Variants in RPS6KA4 observed in about 807,000 individuals in gnomAD.
RPS6KA4 encodes ribosomal protein S6 kinase A4.
A neutral mutation model predicts 89.6 loss-of-function variants in RPS6KA4; 38 were observed. That is an observed-to-expected ratio of 0.42 (90% CI 0.33 to 0.56). The LOEUF is 0.56. RPS6KA4 is among the 20% of genes least tolerant of loss of function. The pLI is 0.07. For synonymous variants in RPS6KA4, 495 were observed against 492.8 expected, an observed-to-expected ratio of 1.00 and a Z score of -0.06; for missense variants, 873 against 1,098.8, an observed-to-expected ratio of 0.79 and a Z score of 2.90.
chr11:64,369,453 C>T lies in RPS6KA4; in HGVS notation c.1436C>T (p.Thr479Met), dbSNP rs559409352. Reference protein sequence around the residue: ...LHEVHHDQLHTYLVLELLRGG... With the variant: ...LHEVHHDQLHMYLVLELLRGG... ...CCGCCACGCCGCCCGCAGCTGCACA[C>T]GTACCTGGTCCTGGAGCTGCTGCGG... is the stretch of plus-strand genomic sequence containing the variant. The change falls in exon 13 of 17, where the codon ACG becomes ATG. Residue 479 changes from threonine to methionine, a missense_variant. By Grantham distance (81) the Thr-to-Met change is moderately conservative (BLOSUM62 -1). Transcript: ENST00000334205. The T allele has an allele frequency of 5.0e-6, 8 of 1,604,062 alleles. No homozygotes were observed. The African/African-American group carries it at 5.3e-5, about 11-fold the overall frequency.
intron 3 of RPS6KA4, 33 bp downstream of exon 3, chr11:64,360,414 G>T (rs771910095): frequency 1.0e-5 from 16 of 1,566,472 alleles, no homozygotes; most frequent in African/African-American, 2.7e-5. Flanking sequence ...CGGGGTTGGG[G>T]TGGCTGGGGG....
chr11:64,362,836 A>G (rs568210378), intron 8 of RPS6KA4, among the ~76,000 whole-genome samples: 2 of 152,108 alleles, frequency 1.3e-5, no homozygotes, highest in African/African-American at 2.4e-5. Context: ...ACGACTGGCT[A>G]ATTTTTATAT....
In RPS6KA4 at chr11:64,368,158, T is replaced by C. The variant is rs1457846097; in HGVS notation, c.1098T>C (p.Ile366=). The change falls in exon 10 of 17, where the codon ATT becomes ATC. Residue 366 remains isoleucine (I), a synonymous_variant. Coordinates refer to ENST00000334205, the MANE Select transcript of RPS6KA4 (RefSeq NM_003942.3). ...FQGYSFVAPS[I]LFDHNNAVMT... Reference sequence around the variant, plus strand: ...GATACTCCTTTGTGGCACCCTCCATTCTCTTTGACCACAACAACGCGGTGA... The same window carrying C: ...GATACTCCTTTGTGGCACCCTCCATCCTCTTTGACCACAACAACGCGGTGA... The C allele has an allele frequency of 6.2e-7, 1 of 1,613,596 alleles. No individual in the cohort carries two copies. The highest frequency in any genetic ancestry group is 8.5e-7 in the Non-Finnish European group (1 of 1,179,990).
rs776653061 is a variant in RPS6KA4, at chr11:64,370,522, T to A, written c.1958-41T>A. ...TACGATCTCTTTGGGGCTCAGCCTTTACGCCAGGCTCCTCCCCACACTTCC... is the reference window on the plus strand; with the variant it reads ...TACGATCTCTTTGGGGCTCAGCCTTAACGCCAGGCTCCTCCCCACACTTCC... On this transcript the variant is annotated intron_variant, in intron 15 of 16. Coordinates refer to ENST00000334205, the MANE Select transcript of RPS6KA4 (RefSeq NM_003942.3). The surrounding 1 kb of genome is among the most constrained non-coding windows in gnomAD (Gnocchi z 4.1). 1.3e-6 allele frequency: 2 copies of A among 1,589,866 alleles called. No homozygotes were observed. The highest frequency in any genetic ancestry group is 1.7e-6 in the Non-Finnish European group (2 of 1,170,602).
chr11:64,365,345 A>G lies in RPS6KA4; in HGVS notation c.951A>G (p.Pro317=), dbSNP rs543314513. ...VALAARKIPA[P]FRPQIRSELD... ...TGGCTGCCAGGAAGATTCCAGCCCCATTCCGGCCCCAAATCCGCTCAGAGC... is the reference window on the plus strand; with the variant it reads ...TGGCTGCCAGGAAGATTCCAGCCCCGTTCCGGCCCCAAATCCGCTCAGAGC... Residue 317 remains proline, a synonymous_variant, in exon 9 of 17, where the codon CCA becomes CCG. Coordinates refer to ENST00000334205, the MANE Select transcript of RPS6KA4 (RefSeq NM_003942.3). 4.7e-4 allele frequency: 755 copies of G among 1,613,942 alleles called. 13 individuals are homozygous for G. The South Asian group carries it at 8.0e-3, about 17-fold the overall frequency.
In RPS6KA4 at chr11:64,370,503, C is replaced by G. The variant is rs2037032886; in HGVS notation, c.1958-60C>G. 1 of 1,591,822 alleles carries G rather than the reference C, an allele frequency of 6.3e-7. No homozygotes were observed. The highest frequency in any genetic ancestry group is 1.1e-5 in the South Asian group (1 of 89,928). On this transcript the variant is annotated intron_variant, in intron 15 of 16. Coordinates refer to ENST00000334205, the MANE Select transcript of RPS6KA4 (RefSeq NM_003942.3). The surrounding 1 kb of genome is among the most constrained non-coding windows in gnomAD (Gnocchi z 4.1). ...GGGAGGAGAGTGGGGCTGTTACGAT[C>G]TCTTTGGGGCTCAGCCTTTACGCCA...
chr11:64,359,262 C>T lies in RPS6KA4; in HGVS notation c.27C>T (p.Ser9=). ...TGGGGGACGAGGACGACGATGAGAG[C>T]TGCGCCGTGGAGCTGCGGATCACAG... The part of the protein sequence containing the change: MGDEDDDE[S]CAVELRITEA... The change falls in exon 1 of 17, where the codon AGC becomes AGT. Residue 9 remains serine (S), a synonymous_variant. Coordinates refer to ENST00000334205, the MANE Select transcript of RPS6KA4 (RefSeq NM_003942.3). 6.5e-7 allele frequency: 1 copy of T among 1,533,264 alleles called. No individual in the cohort carries two copies. Among genetic ancestry groups the T allele is most frequent in the South Asian group, 1.2e-5 (1 of 81,216 alleles). The allele number at this position is 1,533,264 out of a possible 1,614,324, so 95.0% of individuals were successfully genotyped here. A position where few individuals can be genotyped will look rare whatever the true frequency, so the allele number is the denominator to read the frequency against.
rs751393577 is a variant in RPS6KA4, at chr11:64,365,389, C to T, written c.995C>T (p.Ala332Val). The T allele has an allele frequency of 3.1e-6, 5 of 1,613,954 alleles. No homozygotes were observed. Among genetic ancestry groups the T allele is most frequent in the Non-Finnish European group, 3.4e-6 (4 of 1,180,022 alleles). ...TCAGAGCTGGATGTGGGCAACTTTG[C>T]GGAGGAATTCACTCGGCTGGAGCCT... ...IRSELDVGNFAEEFTRLEPVY... is the reference protein window; with the variant it reads ...IRSELDVGNFVEEFTRLEPVY... The change falls in exon 9 of 17, where the codon GCG becomes GTG. Residue 332 changes from alanine (A) to valine (V), a missense_variant. Physicochemically the swap from Ala to Val is moderately conservative, Grantham distance 64. Coordinates refer to ENST00000334205, the MANE Select transcript of RPS6KA4 (RefSeq NM_003942.3).
chr11:64,361,112 G>T lies in RPS6KA4; in HGVS notation c.463-22G>T. On this transcript the variant is annotated intron_variant, in intron 4 of 16. Coordinates refer to ENST00000334205, the MANE Select transcript of RPS6KA4 (RefSeq NM_003942.3). The surrounding 1 kb of genome is among the most constrained non-coding windows in gnomAD (Gnocchi z 4.7). ...GGAGGGTTTCGGGGAGGAAGCCTCA[G>T]CACCCCTCTTGCTCCTACCAGCTCG... 6.2e-7 allele frequency: 1 copy of T among 1,605,884 alleles called. No individual in the cohort carries two copies.
At chr11:64,364,678 C>G (rs546330099) in intron 8 of RPS6KA4, among the ~76,000 whole-genome samples, 5 of 151,892 alleles carry the variant, frequency 3.3e-5, no homozygotes, top group Admixed American at 3.3e-4. Context: ...CAGTTCCAGA[C>G]CACATCCTCT....
Position 64,370,185 on chromosome 11 carries a change from C to T in RPS6KA4, c.1798-40C>T. 3 of 1,509,054 alleles carry T rather than the reference C, an allele frequency of 2.0e-6. No homozygotes were observed. The highest frequency in any genetic ancestry group is 1.4e-5 in the African/African-American group (1 of 71,240). The allele number at this position is 1,509,054 out of a possible 1,614,324, so 93.5% of individuals were successfully genotyped here. On this transcript the variant is annotated intron_variant, in intron 14 of 16. Transcript: ENST00000334205. This position sits in a 1 kb window ranked among gnomAD's most constrained non-coding sequence, Gnocchi z 4.1. ...GGAGCGGAGGGGTCAGCCTCGGCACCCCAGCCTGGGCCGGCCTCACCTTCC... is the reference window on the plus strand; with the variant it reads ...GGAGCGGAGGGGTCAGCCTCGGCACTCCAGCCTGGGCCGGCCTCACCTTCC...
intron 4 of RPS6KA4, 108 bp downstream of exon 4, chr11:64,360,700 G>T: frequency 1.0e-6 from 1 of 953,058 alleles, no homozygotes; most frequent in Non-Finnish European, 1.6e-6. Context: ...TTCCTGGGGG[G>T]CCAGTGGTGA....
At position 64,369,711 on chromosome 11, in the gene RPS6KA4, G is replaced by T; in HGVS notation, c.1615G>T (p.Ala539Ser). Residue 539 changes from alanine to serine, a missense_variant, in exon 14 of 17, where the codon GCC (alanine) becomes TCC (serine). Physicochemically the swap from Ala to Ser is moderately conservative, Grantham distance 99. This residue lies in a region of RPS6KA4 where 542 missense variants were observed against 736.4 expected (regional missense o/e 0.74). Coordinates refer to ENST00000334205, the MANE Select transcript of RPS6KA4 (RefSeq NM_003942.3). Reference sequence around the variant, plus strand: ...GCCGCCCTCGCAGAACATCCTGTACGCCGACGACACGCCCGGGGCCCCGGT... The same window carrying T: ...GCCGCCCTCGCAGAACATCCTGTACTCCGACGACACGCCCGGGGCCCCGGT... ...RDLKPENILY[A>S]DDTPGAPVKI... is the part of the protein sequence containing the mutation. The T allele has an allele frequency of 1.2e-6, 2 of 1,608,648 alleles. No individual in the cohort carries two copies. The highest frequency in any genetic ancestry group is 1.7e-6 in the Non-Finnish European group (2 of 1,177,100).
Position 64,369,702 on chromosome 11 carries a change from A to G in RPS6KA4, c.1606A>G (p.Ile536Val), listed in dbSNP as rs2037003198. 2.5e-6 allele frequency: 4 copies of G among 1,606,652 alleles called. No homozygotes were observed. The highest frequency in any genetic ancestry group is 3.4e-6 in the Non-Finnish European group (4 of 1,175,730). The change falls in exon 14 of 17, where the codon ATC (isoleucine) becomes GTC (valine). Residue 536 changes from isoleucine (I) to valine (V), a missense_variant. Physicochemically the swap from Ile to Val is conservative, Grantham distance 29 (BLOSUM62 3). Coordinates refer to ENST00000334205, the MANE Select transcript of RPS6KA4 (RefSeq NM_003942.3). ...VVHRDLKPEN[I>V]LYADDTPGAP... ...CACTACCCCGCCGCCCTCGCAGAAC[A>G]TCCTGTACGCCGACGACACGCCCGG...
chr11:64,370,372 G>A lies in RPS6KA4; in HGVS notation c.1945G>A (p.Glu649Lys), dbSNP rs1029921176. 1.9e-6 allele frequency: 3 copies of A among 1,610,212 alleles called. No individual in the cohort carries two copies. The highest frequency in any genetic ancestry group is 2.5e-6 in the Non-Finnish European group (3 of 1,178,814). The change falls in exon 15 of 17, where the codon GAG becomes AAG. Residue 649 changes from glutamate (E) to lysine (K), a missense_variant. Around this residue, in one of 4 missense-constraint regions of RPS6KA4, gnomAD observed 278 missense variants for 284.8 expected, o/e 0.98. Coordinates refer to ENST00000334205, the MANE Select transcript of RPS6KA4 (RefSeq NM_003942.3). This position sits in a 1 kb window ranked among gnomAD's most constrained non-coding sequence, Gnocchi z 4.1. ...AWQGVSEEAK[E>K]LVRGLLTVDP... ...GCAGGGTGTATCCGAGGAAGCCAAG[G>A]AGCTGGTCCGAGGTGCGGAGCTGGA...
Position 64,361,868 on chromosome 11 carries a change from T to G in RPS6KA4, c.772T>G (p.Ser258Ala). The change falls in exon 8 of 17, where the codon TCC (serine) becomes GCC (alanine). Residue 258 changes from serine to alanine, a missense_variant. Ser to Ala is a moderately conservative substitution (Grantham distance 99). Transcript: ENST00000334205. The surrounding 1 kb of genome is among the most constrained non-coding windows in gnomAD (Gnocchi z 4.7). ...AEVSRRILKC[S>A]PPFPPRIGPV... is the part of the protein sequence containing the mutation. ...TCCTCCCAGACGGATCCTGAAGTGCTCCCCTCCCTTCCCCCCTCGGATCGG... is the reference window on the plus strand; with the variant it reads ...TCCTCCCAGACGGATCCTGAAGTGCGCCCCTCCCTTCCCCCCTCGGATCGG... The G allele has an allele frequency of 1.2e-6, 2 of 1,611,702 alleles. No individual in the cohort carries two copies. The highest frequency in any genetic ancestry group is 1.7e-6 in the Non-Finnish European group (2 of 1,179,480).
rs923033875 is a variant in RPS6KA4 at position 64,371,664 on chromosome 11, G to C, written c.*184G>C. 9 of 509,972 alleles carry C rather than the reference G, an allele frequency of 1.8e-5. No individual in the cohort carries two copies. The highest frequency in any genetic ancestry group is 1.6e-4 in the African/African-American group (8 of 50,190). The allele number at this position is 509,972 out of a possible 1,614,324, so 31.6% of individuals were successfully genotyped here. On this transcript the variant is annotated 3_prime_UTR_variant, in exon 17 of 17. Transcript: ENST00000334205. ...GCAGAGAATTTTTTATGTCTTACCA[G>C]ATAGAGTTGCAGGGAAGGGGGGGCC...
intron 8 of RPS6KA4, 120 bp downstream of exon 8, chr11:64,362,122 CAAGT>C (rs771483363): frequency 2.0e-5 from 25 of 1,227,750 alleles, no homozygotes; most frequent in Non-Finnish European, 2.7e-5. Context: ...AGAAAGAAAG[CAAGT>C]GTGTGTCAGC....
At position 64,361,893 on chromosome 11, in the gene RPS6KA4, G is replaced by T; in HGVS notation, c.797G>T (p.Gly266Val). The change falls in exon 8 of 17, where the codon GGG (glycine) becomes GTG (valine). Residue 266 changes from glycine (G) to valine (V), a missense_variant. This residue lies in a region of RPS6KA4 where 542 missense variants were observed against 736.4 expected (regional missense o/e 0.74). Transcript: ENST00000334205. This position sits in a 1 kb window ranked among gnomAD's most constrained non-coding sequence, Gnocchi z 4.7. ...TCCCCTCCCTTCCCCCCTCGGATCGGGCCCGTGGCGCAGGACCTGCTGCAG... is the reference window on the plus strand; with the variant it reads ...TCCCCTCCCTTCCCCCCTCGGATCGTGCCCGTGGCGCAGGACCTGCTGCAG... Reference protein sequence around the residue: ...KCSPPFPPRIGPVAQDLLQRL... With the variant: ...KCSPPFPPRIVPVAQDLLQRL... 1 of 1,613,052 alleles carries T rather than the reference G, an allele frequency of 6.2e-7. No homozygotes were observed. Among genetic ancestry groups the T allele is most frequent in the Non-Finnish European group, 8.5e-7 (1 of 1,179,866 alleles).
Sources: allele counts gnomAD v4.1 joint callset (sites outside exome capture counted in the v4.1 genomes callset), GRCh38; gene constraint gnomAD v4.1.1; regional missense constraint gnomAD v4.1.1; non-coding constraint Gnocchi (gnomAD v3.1); transcripts MANE v1.5; gene names NCBI Gene and HGNC (gene_info 2026-07-23, HGNC 2026-07-21).